The following STPG2 variants were observed in gnomAD, a reference collection of about 807,000 sequenced individuals.
The protein encoded by STPG2 is sperm tail PG-rich repeat containing 2.
STPG2 carries 56 observed loss-of-function variants against 54.2 expected under a neutral mutation model. The observed-to-expected ratio is 1.03, with a 90% CI of 0.83 to 1.29. The LOEUF is 1.29. Among genes scored for constraint, STPG2 ranks in the 50% most tolerant of loss-of-function variants. STPG2 has a pLI of 0.00. For synonymous variants in STPG2, 200 were observed against 181.8 expected, an observed-to-expected ratio of 1.10 and a Z score of -0.81; for missense variants, 596 against 544.9, an observed-to-expected ratio of 1.09 and a Z score of -0.93.
intron 10 of STPG2, among the ~76,000 whole-genome samples, chr4:97,573,844 A>G (rs1344646321): frequency 4.6e-5 from 7 of 152,134 alleles, no homozygotes; most frequent in Admixed American, 4.6e-4. Context: ...ATATGTCAGC[A>G]CTGACTGAGT....
intron 4 of STPG2, among the ~76,000 whole-genome samples, chr4:97,488,788 G>C (rs1035060627): frequency 6.6e-6 from 1 of 151,666 alleles, no homozygotes; most frequent in East Asian, 1.9e-4. Flanking sequence ...GCAATAACTA[G>C]AATTCAGTTG....
chr4:97,967,134 C>A (rs749773011), intron 7 of STPG2, among the ~76,000 whole-genome samples: 1 of 138,348 alleles, frequency 7.2e-6, no homozygotes, highest in East Asian at 2.1e-4. Flanking sequence ...CAGAGACACA[C>A]ACAGGCTCAA....
chr4:97,579,611 G>A (rs189452033), intron 10 of STPG2, among the ~76,000 whole-genome samples: 1 of 152,050 alleles, frequency 6.6e-6, no homozygotes, highest in African/African-American at 2.4e-5. Flanking sequence ...CTTCTAAATT[G>A]GAACTTCTGC....
At chr4:97,779,956 G>T (rs146286824) in intron 9 of STPG2, among the ~76,000 whole-genome samples, 24,958 of 150,724 alleles carry the variant, frequency 0.17, 2,241 homozygotes, top group East Asian at 0.36. Context: ...AGGAACAACC[G>T]GTACCAGCCA....
chr4:97,555,504 T>C (rs1237363652), downstream of STPG2, among the ~76,000 whole-genome samples: 1 of 152,140 alleles, frequency 6.6e-6, no homozygotes, highest in Admixed American at 6.5e-5. Context: ...TTAAGTTTTC[T>C]TCCCTGTAAA....
At chr4:97,746,021 T>C (rs1266862495) in intron 9 of STPG2, among the ~76,000 whole-genome samples, 1 of 151,284 alleles carries the variant, frequency 6.6e-6, no homozygotes, top group Non-Finnish European at 1.5e-5. Context: ...AGTTTTTAGA[T>C]GTTTCAATAG....
intron 10 of STPG2, among the ~76,000 whole-genome samples, chr4:97,650,077 A>G (rs1722022293): frequency 6.6e-6 from 1 of 152,102 alleles, no homozygotes. Flanking sequence ...CACAGTTCAC[A>G]ATAGGGTTCA....
intron 4 of STPG2, among the ~76,000 whole-genome samples, chr4:97,542,208 G>A (rs1731726859): frequency 6.6e-6 from 1 of 152,144 alleles, no homozygotes; most frequent in Admixed American, 6.5e-5. Flanking sequence ...GAAAATTTTT[G>A]CAATCTACTC....
chr4:97,596,042 C>G (rs1733280833), intron 10 of STPG2, among the ~76,000 whole-genome samples: 1 of 152,118 alleles, frequency 6.6e-6, no homozygotes, highest in African/African-American at 2.4e-5. Flanking sequence ...TGCAATAACA[C>G]ACAAATGCTC....
chr4:97,918,635 TA>T (rs1274541754), intron 8 of STPG2, among the ~76,000 whole-genome samples: 1 of 151,752 alleles, frequency 6.6e-6, no homozygotes, highest in African/African-American at 2.4e-5. Flanking sequence ...TACTAAGCCA[TA>T]AAAAAGGAAT....
Position 97,748,499 on chromosome 4 carries a change from A to C in STPG2, c.1205-35685T>G, listed in dbSNP as rs992454084. Among the ~76,000 whole-genome samples the C allele has an allele frequency of 4.6e-5, 7 of 151,548 alleles. No individual in the cohort carries two copies. The Admixed American group carries it at 4.6e-4, about 10-fold the overall frequency. On this transcript the variant is annotated intron_variant, in intron 9 of 10. Coordinates refer to ENST00000295268, the MANE Select transcript of STPG2 (RefSeq NM_174952.3). ...CACTTCAGATTTGTAAAAATTTCTG[A>C]TTATAAAAGTCATAGAACAAAAAGA... is the stretch of plus-strand genomic sequence containing the variant.
intron 9 of STPG2, among the ~76,000 whole-genome samples, chr4:97,773,329 T>C (rs945464377): frequency 1.3e-5 from 2 of 152,110 alleles, no homozygotes; most frequent in Non-Finnish European, 2.9e-5. Context: ...ATTATTATTA[T>C]TATTTTTACA....
chr4:98,036,154 A>G (rs1032298501), intron 5 of STPG2, among the ~76,000 whole-genome samples: 8 of 152,118 alleles, frequency 5.3e-5, no homozygotes, highest in African/African-American at 1.9e-4. Context: ...AGTCAAAAAA[A>G]TAACAGATGC....
intron 8 of STPG2, among the ~76,000 whole-genome samples, chr4:97,857,174 G>A (rs1000902522): frequency 6.6e-6 from 1 of 152,096 alleles, no homozygotes. Flanking sequence ...TGGCCTCAAA[G>A]AATGAGTTAG....
chr4:98,071,653 G>A (rs1171992194), intron 5 of STPG2, among the ~76,000 whole-genome samples: 1 of 152,092 alleles, frequency 6.6e-6, no homozygotes, highest in African/African-American at 2.4e-5. Context: ...GAAAAATTTT[G>A]CAATATATCG....
intron 7 of STPG2, among the ~76,000 whole-genome samples, chr4:97,970,866 C>T (rs1314751785): frequency 1.3e-5 from 2 of 152,086 alleles, no homozygotes; most frequent in Non-Finnish European, 2.9e-5. Flanking sequence ...CATCAGAGTG[C>T]ACAGGCAACC....
intron 9 of STPG2, among the ~76,000 whole-genome samples, chr4:97,727,964 A>C (rs1170723727): frequency 6.6e-6 from 1 of 151,980 alleles, no homozygotes; most frequent in African/African-American, 2.4e-5. Flanking sequence ...CACATCAAAA[A>C]GCCATTTATA....
intron 9 of STPG2, among the ~76,000 whole-genome samples, chr4:97,825,029 A>G (rs777251437): frequency 6.6e-6 from 1 of 151,886 alleles, no homozygotes; most frequent in Non-Finnish European, 1.5e-5. Flanking sequence ...AAGAAATTTA[A>G]AAGTTTTTTT....
At chr4:97,664,961 C>T (rs145473169) in intron 10 of STPG2, among the ~76,000 whole-genome samples, 21 of 152,174 alleles carry the variant, frequency 1.4e-4, no homozygotes, top group Admixed American at 6.5e-4. Context: ...AGGCTGGCTG[C>T]GGCAGGGTGG....
Sources: allele counts gnomAD v4.1 joint callset (sites outside exome capture counted in the v4.1 genomes callset), GRCh38; gene constraint gnomAD v4.1.1; transcripts MANE v1.5; gene names NCBI Gene and HGNC (gene_info 2026-07-23, HGNC 2026-07-21).